Variants in NETO1 observed in about 807,000 individuals in gnomAD.
NETO1 encodes the protein neuropilin and tolloid-like protein 1.
A neutral mutation model predicts 61.3 loss-of-function variants in NETO1; 26 were observed. The observed-to-expected ratio is 0.42, with a 90% confidence interval of 0.31 to 0.59. The LOEUF is 0.59. Ranked by LOEUF, NETO1 falls within the 20% of genes least tolerant of loss-of-function variation. NETO1 has a pLI of 0.12. For synonymous variants in NETO1, 225 were observed against 225.8 expected, an observed-to-expected ratio of 1.00 and a Z score of 0.03; for missense variants, 531 against 662.8, an observed-to-expected ratio of 0.80 and a Z score of 2.18.
At position 72,750,562 on chromosome 18, in the gene NETO1, G is replaced by A. The variant is rs201042448; in HGVS notation, c.1041C>T (p.Gly347=). The part of the protein sequence containing the change: ...QLTNTSGTVI[G]VTSCIVIILI... ...GGATGATCACGATGCAGGAAGTCAC[G>A]CCAATGACAGTCCCACTGGTGTTGG... is the stretch of plus-strand genomic sequence containing the variant. The change falls in exon 9 of 11, where the codon GGC becomes GGT. Residue 347 remains glycine (G), a synonymous_variant. Coordinates refer to ENST00000327305, the MANE Select transcript of NETO1 (RefSeq NM_138966.5). 2.2e-5 allele frequency: 36 copies of A among 1,612,576 alleles called. No homozygotes were observed. In the East Asian group the frequency reaches 4.5e-4, roughly 20 times the overall value.
chr18:72,828,410 A>C (rs1276309379), intron 4 of NETO1, among the ~76,000 whole-genome samples: 1 of 87,142 alleles, frequency 1.1e-5, no homozygotes, highest in East Asian at 2.1e-4. Flanking sequence ...TGGAGTTTGC[A>C]ATTATCAAAC....
chr18:72,774,153 A>G (rs1246562372), intron 7 of NETO1, among the ~76,000 whole-genome samples: 1 of 152,148 alleles, frequency 6.6e-6, no homozygotes, highest in Non-Finnish European at 1.5e-5. Flanking sequence ...ATATTAAGTG[A>G]TTCATATTTT....
intron 2 of NETO1, 84 bp from the exon 3 acceptor site, chr18:72,865,029 C>T (rs1048852847): frequency 6.8e-7 from 1 of 1,466,774 alleles, no homozygotes; most frequent in South Asian, 1.3e-5. Context: ...CTTATAATAT[C>T]CATTAGTAAA....
At chr18:72,814,684 A>T (rs1471485491) in intron 4 of NETO1, among the ~76,000 whole-genome samples, 1 of 152,066 alleles carries the variant, frequency 6.6e-6, no homozygotes, top group Non-Finnish European at 1.5e-5. Flanking sequence ...AATTATGCAA[A>T]TTCAAAACCA....
At chr18:72,844,134 A>G (rs539666550) in intron 4 of NETO1, among the ~76,000 whole-genome samples, 2 of 152,316 alleles carry the variant, frequency 1.3e-5, no homozygotes, top group Admixed American at 6.5e-5. Context: ...AGCAAAATAT[A>G]TGACATTAAC....
In NETO1 at chr18:72,762,305, C is replaced by T. The variant is rs560406788; in HGVS notation, c.869-6158G>A. Among the ~76,000 whole-genome samples the T allele has an allele frequency of 2.4e-4, 36 of 152,182 alleles. No homozygotes were observed. In the South Asian group the frequency reaches 7.3e-3, roughly 31 times the overall value. On this transcript the variant is annotated intron_variant, in intron 7 of 10. Transcript: ENST00000327305. ...CCTCCAGAGTAGCTGGGATTACAGG[C>T]ATGCACCACCACGCCCGGCTAAACT...
At chr18:72,781,336 T>C (rs140478863) in intron 7 of NETO1, among the ~76,000 whole-genome samples, 1 of 152,184 alleles carries the variant, frequency 6.6e-6, no homozygotes, top group Non-Finnish European at 1.5e-5. Context: ...ACTGAAGGAA[T>C]GATTCATTGA....
chr18:72,783,930 T>C, intron 6 of NETO1, 24 bp from the exon 7 acceptor site: 1 of 1,525,128 alleles, frequency 6.6e-7, no homozygotes, highest in Non-Finnish European at 9.1e-7. Flanking sequence ...ATAAAATAAT[T>C]TCCACATATC....
intron 4 of NETO1, among the ~76,000 whole-genome samples, chr18:72,794,911 T>A (rs2072260126): frequency 6.6e-6 from 1 of 152,224 alleles, no homozygotes; most frequent in Non-Finnish European, 1.5e-5. Context: ...CAAATTAAGA[T>A]GTAAAATCTA....
chr18:72,761,141 T>C (rs2070959432), intron 7 of NETO1, among the ~76,000 whole-genome samples: 1 of 152,172 alleles, frequency 6.6e-6, no homozygotes, highest in Non-Finnish European at 1.5e-5. Context: ...ATGTATGATA[T>C]AAACGTGACT....
intron 8 of NETO1, among the ~76,000 whole-genome samples, chr18:72,750,892 C>A (rs540717577): frequency 8.6e-5 from 13 of 150,590 alleles, no homozygotes; most frequent in African/African-American, 2.9e-4. Flanking sequence ...CACACACACA[C>A]ACACACACAC....
chr18:72,863,102 G>T (rs1247963290), intron 3 of NETO1, among the ~76,000 whole-genome samples: 1 of 152,094 alleles, frequency 6.6e-6, no homozygotes, highest in Non-Finnish European at 1.5e-5. Context: ...TTACTTCAAT[G>T]GCACCTCATT....
chr18:72,821,768 A>G (rs2073208374), intron 4 of NETO1, among the ~76,000 whole-genome samples: 1 of 152,152 alleles, frequency 6.6e-6, no homozygotes, highest in African/African-American at 2.4e-5. Context: ...TCACACAGCA[A>G]GCAGGTGGCA....
chr18:72,774,744 A>G (rs1056448919), intron 7 of NETO1, among the ~76,000 whole-genome samples: 15 of 152,236 alleles, frequency 9.9e-5, no homozygotes, highest in Admixed American at 9.8e-4. Context: ...TGTTAAACAA[A>G]TACTCTTTCT....
chr18:72,853,497 G>C lies in NETO1; in HGVS notation c.469+5329C>G, dbSNP rs1359305583. Reference sequence around the variant, plus strand: ...CTTTTAGCTGGATGTGGTGGCTCACGCCTGTGATCCTAGCATTTGGGGGGC... The same window carrying C: ...CTTTTAGCTGGATGTGGTGGCTCACCCCTGTGATCCTAGCATTTGGGGGGC... On this transcript the variant is annotated intron_variant, in intron 4 of 10. Transcript: ENST00000327305. 4 of 151,958 alleles carry C rather than the reference G, an allele frequency of 2.6e-5. No individual in the cohort carries two copies. In the South Asian group the frequency reaches 6.2e-4, roughly 24 times the overall value. The allele number at this position is 151,958 out of a possible 1,614,324, so 9.4% of individuals were successfully genotyped here.
chr18:72,789,248 A>G (rs995017511), intron 6 of NETO1, among the ~76,000 whole-genome samples: 1 of 99,902 alleles, frequency 1.0e-5, no homozygotes, highest in African/African-American at 2.7e-5. Flanking sequence ...ACACACACAC[A>G]CATGTGCACA....
intron 7 of NETO1, among the ~76,000 whole-genome samples, chr18:72,762,621 A>T (rs2071015946): frequency 6.6e-6 from 1 of 152,248 alleles, no homozygotes; most frequent in Non-Finnish European, 1.5e-5. Context: ...TTTTTAAATC[A>T]GGAAAATAGT....
At chr18:72,821,026 C>T (rs527753128) in intron 4 of NETO1, among the ~76,000 whole-genome samples, 21 of 152,074 alleles carry the variant, frequency 1.4e-4, no homozygotes, top group Non-Finnish European at 1.6e-4. Flanking sequence ...TAATTAGAAC[C>T]TTGAATACAC....
In NETO1 at chr18:72,784,380, C is replaced by T. The variant is rs1033186352; in HGVS notation, c.640-474G>A. 2.6e-5 allele frequency among the ~76,000 whole-genome samples: 4 copies of T among 152,170 alleles called. No homozygotes were observed. The East Asian group carries it at 5.8e-4, about 22-fold the overall frequency. On this transcript the variant is annotated intron_variant, in intron 6 of 10. Coordinates refer to ENST00000327305, the MANE Select transcript of NETO1 (RefSeq NM_138966.5). ...AGACAGTCTCTCTGATTTGTTTAAT[C>T]AAATTATTTAACATAAATACACTGC...
Sources: gnomAD v4.1 joint callset for allele counts (sites outside exome capture counted in the v4.1 genomes callset) on GRCh38, gnomAD v4.1.1 for gene constraint, MANE v1.5 for transcripts, NCBI Gene and HGNC (gene_info 2026-07-23, HGNC 2026-07-21) for gene names.